The following KPNA3 variants were observed in gnomAD, a reference collection of about 807,000 sequenced individuals.
KPNA3 encodes the protein karyopherin subunit alpha 3.
A neutral mutation model predicts 73.8 loss-of-function variants in KPNA3; 13 were observed. The observed-to-expected ratio is 0.18, with a 90% confidence interval of 0.11 to 0.28. The LOEUF (loss-of-function observed/expected upper bound fraction) is 0.28. Among genes scored for constraint, KPNA3 ranks in the 10% least tolerant of loss-of-function variants. The probability of loss-of-function intolerance (pLI) is 1.00; values close to 1 mark genes in which losing one functional copy is unlikely to be tolerated. For synonymous variants in KPNA3, 186 were observed against 206.9 expected (o/e 0.90, Z 0.87); for missense variants, 360 against 618.1 (o/e 0.58, Z 4.43).
At chr13:49,736,945 T>C (rs978614392) in intron 2 of KPNA3, among the ~76,000 whole-genome samples, 4 of 152,192 alleles carry the variant, frequency 2.6e-5, no homozygotes, top group Non-Finnish European at 4.4e-5. Flanking sequence ...AACCTTTTTA[T>C]GACAGAATTA....
In KPNA3 at chr13:49,763,795, G is replaced by A. The variant is rs186015384; in HGVS notation, c.70-16802C>T. On this transcript the variant is annotated intron_variant, in intron 1 of 16. Transcript: ENST00000261667. ...AAAACTACAAAAATTAGCTGGGTGAGGTGGTGGGCACCAGCAATCCCAGCA... is the reference window on the plus strand; with the variant it reads ...AAAACTACAAAAATTAGCTGGGTGAAGTGGTGGGCACCAGCAATCCCAGCA... 3.1e-3 allele frequency among the ~76,000 whole-genome samples: 475 copies of A among 152,246 alleles called. 1 individual carries two copies. The highest frequency in any genetic ancestry group is 5.2e-3 in the Non-Finnish European group (351 of 68,002).
intron 9 of KPNA3, among the ~76,000 whole-genome samples, chr13:49,720,245 A>G (rs993728941): frequency 2.0e-5 from 3 of 152,248 alleles, no homozygotes; most frequent in Non-Finnish European, 4.4e-5. Flanking sequence ...GATTTTACTT[A>G]ATAAGCTACT....
intron 1 of KPNA3, among the ~76,000 whole-genome samples, chr13:49,753,515 G>T (rs1226806971): frequency 6.6e-6 from 1 of 152,198 alleles, no homozygotes; most frequent in African/African-American, 2.4e-5. Context: ...GAGAGACACT[G>T]ATAAAAGGTG....
At position 49,752,747 on chromosome 13, in the gene KPNA3, G is replaced by A. The variant is rs1390886262; in HGVS notation, c.70-5754C>T. ...AAATGAAGGTGAAAATTATCAGAAG[G>A]GCTGGGCACGGTGGCTTACGTCTGT... On this transcript the variant is annotated intron_variant, in intron 1 of 16. Transcript: ENST00000261667. 2.0e-5 allele frequency among the ~76,000 whole-genome samples: 3 copies of A among 152,006 alleles called. No individual in the cohort carries two copies. The East Asian group carries it at 5.8e-4, about 29-fold the overall frequency.
intron 1 of KPNA3, among the ~76,000 whole-genome samples, chr13:49,747,976 A>T (rs913537386): frequency 5.3e-5 from 8 of 152,196 alleles, no homozygotes; most frequent in Non-Finnish European, 1.5e-5. Flanking sequence ...CACTATCAGA[A>T]TTATCTCCTC....
chr13:49,701,733 T>C lies in KPNA3; in HGVS notation c.*67A>G. The C allele has an allele frequency of 1.0e-6, 1 of 959,138 alleles. No individual in the cohort carries two copies. The highest frequency in any genetic ancestry group is 1.7e-6 in the Non-Finnish European group (1 of 584,000). The allele number at this position is 959,138 out of a possible 1,614,324, so 59.4% of individuals were successfully genotyped here. A position where few individuals can be genotyped will look rare whatever the true frequency, so the allele number is the denominator to read the frequency against. On this transcript the variant is annotated 3_prime_UTR_variant, in exon 17 of 17. Transcript: ENST00000261667. ...TGGAGCCTTTTGTTGCTGTTGTTCT[T>C]ATCATTTGGTAGCCATCTGGTGGTG...
rs79884028 is a variant in KPNA3, at chr13:49,705,636, T to C, written c.1357A>G (p.Ile453Val). Reference protein sequence around the residue: ...GDEASTIAEIIEECGGLEKIE... With the variant: ...GDEASTIAEIVEECGGLEKIE... ...CCACTCTTACCTCCACATTCCTCTA[T>C]TATTTCAGCTATTGTGCTTGCTTCA... The change falls in exon 15 of 17, where the codon ATA (isoleucine) becomes GTA (valine). Residue 453 changes from isoleucine (I) to valine (V), a missense_variant. Coordinates refer to ENST00000261667, the MANE Select transcript of KPNA3 (RefSeq NM_002267.4). 24 of 1,614,036 alleles carry C rather than the reference T, an allele frequency of 1.5e-5. No individual in the cohort carries two copies. The highest frequency in any genetic ancestry group is 1.9e-5 in the Non-Finnish European group (22 of 1,179,994).
intron 1 of KPNA3, among the ~76,000 whole-genome samples, chr13:49,751,474 G>A (rs184056738): frequency 1.7e-4 from 25 of 148,494 alleles, no homozygotes; most frequent in Non-Finnish European, 2.9e-4. Context: ...CAATGCAGCC[G>A]GGGGGGTTCT....
intron 1 of KPNA3, among the ~76,000 whole-genome samples, chr13:49,788,178 T>C (rs1029616397): frequency 3.9e-5 from 6 of 152,330 alleles, no homozygotes; most frequent in Non-Finnish European, 8.8e-5. Context: ...AGCACTGATA[T>C]ACTGTAAACA....
At chr13:49,759,003 G>T (rs114282306) in intron 1 of KPNA3, among the ~76,000 whole-genome samples, 1 of 152,016 alleles carries the variant, frequency 6.6e-6, no homozygotes, top group Admixed American at 6.6e-5. Flanking sequence ...AAATATCAAA[G>T]ATATTTACGA....
intron 2 of KPNA3, among the ~76,000 whole-genome samples, chr13:49,738,861 A>T (rs543507151): frequency 6.6e-6 from 1 of 152,306 alleles, no homozygotes; most frequent in Non-Finnish European, 1.5e-5. Context: ...TAGAACTTCC[A>T]GCATTATACT....
At position 49,792,607 on chromosome 13, in the gene KPNA3, A is replaced by AGGGGGAGAGCGGGAGGCGGGAG. The variant is rs201124891; in HGVS notation, c.-102_-101insCTCCCGCCTCCCGCTCTCCCCC. 1 of 182,662 alleles carries AGGGGGAGAGCGGGAGGCGGGAG rather than the reference A, an allele frequency of 5.5e-6. No individual in the cohort carries two copies. Among genetic ancestry groups the AGGGGGAGAGCGGGAGGCGGGAG allele is most frequent in the African/African-American group, 2.8e-5 (1 of 36,026 alleles). The allele number at this position is 182,662 out of a possible 1,614,324, so 11.3% of individuals were successfully genotyped here. A position where few individuals can be genotyped will look rare whatever the true frequency, so the allele number is the denominator to read the frequency against. ...GAGGAGGGGGAGAGCGGGAGGGGGGAGGGGAGAGAAGAGCACGTTCTGTGA... is the reference window on the plus strand; with the variant it reads ...GAGGAGGGGGAGAGCGGGAGGGGGGAGGGGGAGAGCGGGAGGCGGGAGGGGGAGAGAAGAGCACGTTCTGTGA... On this transcript the variant is annotated 5_prime_UTR_variant, in exon 1 of 17. Transcript: ENST00000261667.
intron 1 of KPNA3, among the ~76,000 whole-genome samples, chr13:49,754,426 TGAGA>T (rs778497304): frequency 2.6e-5 from 4 of 152,144 alleles, no homozygotes; most frequent in East Asian, 3.9e-4. Context: ...AAAGCAGTGC[TGAGA>T]GAGAAATTTA....
At position 49,722,118 on chromosome 13, in the gene KPNA3, C is replaced by A; in HGVS notation, c.563G>T (p.Gly188Val). 6.5e-7 allele frequency: 1 copy of A among 1,537,822 alleles called. No homozygotes were observed. The highest frequency in any genetic ancestry group is 1.4e-5 in the African/African-American group (1 of 71,790). Reference protein sequence around the residue: ...VWALGNIIGDGPQCRDYVISL... With the variant: ...VWALGNIIGDVPQCRDYVISL... Reference sequence around the variant, plus strand: ...TATGACATAATCTCTACATTGAGGACCATCACCTACAGAAATGAAAATTAT... The same window carrying A: ...TATGACATAATCTCTACATTGAGGAACATCACCTACAGAAATGAAAATTAT... The change falls in exon 9 of 17, where the codon GGT becomes GTT. Residue 188 changes from glycine (G) to valine (V), a missense_variant. By Grantham distance (109) the Gly-to-Val change is moderately radical. This residue lies in a region of KPNA3 where 287 missense variants were observed against 549.1 expected (regional missense o/e 0.52). Coordinates refer to ENST00000261667, the MANE Select transcript of KPNA3 (RefSeq NM_002267.4).
intron 2 of KPNA3, among the ~76,000 whole-genome samples, chr13:49,739,107 A>C (rs1485825472): frequency 6.6e-6 from 1 of 152,162 alleles, no homozygotes; most frequent in Non-Finnish European, 1.5e-5. Flanking sequence ...AGATCTTTCA[A>C]ACAATTAACT....
intron 1 of KPNA3, among the ~76,000 whole-genome samples, chr13:49,775,177 AAAAAAAAAAGAAAAAAG>A (rs1566359789): frequency 1.2e-5 from 1 of 82,362 alleles, no homozygotes; most frequent in East Asian, 3.4e-4. Flanking sequence ...AAAAAAAAAA[AAAAAAAAAAGAAAAAAG>A]AAAAAAGAAT....
intron 2 of KPNA3, among the ~76,000 whole-genome samples, chr13:49,737,225 T>G (rs1466215476): frequency 6.6e-6 from 1 of 152,226 alleles, no homozygotes; most frequent in Non-Finnish European, 1.5e-5. Context: ...TGTCCAGGAT[T>G]GTAAGCACTG....
intron 1 of KPNA3, among the ~76,000 whole-genome samples, chr13:49,752,448 T>C (rs569235103): frequency 8.5e-5 from 13 of 152,182 alleles, no homozygotes; most frequent in African/African-American, 2.4e-4. Context: ...AATGAGAGAA[T>C]AGGAAACAGA....
chr13:49,735,625 G>A (rs1036580745), intron 2 of KPNA3, among the ~76,000 whole-genome samples: 3 of 152,128 alleles, frequency 2.0e-5, no homozygotes, highest in African/African-American at 2.4e-5. Flanking sequence ...AGGTGAGAAA[G>A]CAGCTCAGGG....
Sources: allele counts gnomAD v4.1 joint callset (sites outside exome capture counted in the v4.1 genomes callset), GRCh38; gene constraint gnomAD v4.1.1; regional missense constraint gnomAD v4.1.1; transcripts MANE v1.5; gene names NCBI Gene and HGNC (gene_info 2026-07-23, HGNC 2026-07-21).